The following MSRA variants were observed in gnomAD, a reference collection of about 807,000 sequenced individuals.
MSRA encodes the protein mitochondrial peptide methionine sulfoxide reductase.
A neutral mutation model predicts 31.3 loss-of-function variants in MSRA; 54 were observed. That is an observed-to-expected ratio of 1.73 (90% confidence interval 1.39 to 2.17). The LOEUF (loss-of-function observed/expected upper bound fraction) is 2.17. MSRA is among the 30% of genes most tolerant of loss of function. The pLI, the probability that MSRA is intolerant of heterozygous loss-of-function variation, is 0.00. For synonymous variants in MSRA, 169 were observed against 116.5 expected (o/e 1.45, Z -2.90); for missense variants, 507 against 300.9 (o/e 1.69, Z -5.07).
At chr8:10,250,444 T>C (rs1231450355) in intron 3 of MSRA, 1 of 702,472 alleles carries the variant, frequency 1.4e-6, no homozygotes, top group South Asian at 1.5e-5. Context: ...AATTCCATGT[T>C]TATTAGTCTA....
chr8:10,145,958 T>G (rs1179622746), intron 1 of MSRA, among the ~76,000 whole-genome samples: 1 of 152,196 alleles, frequency 6.6e-6, no homozygotes, highest in Non-Finnish European at 1.5e-5. Flanking sequence ...GAGCGTGTCC[T>G]CCAATTTGAA....
At chr8:10,206,531 G>A (rs769716239) in intron 1 of MSRA, among the ~76,000 whole-genome samples, 15 of 152,150 alleles carry the variant, frequency 9.9e-5, no homozygotes, top group South Asian at 4.1e-4. Context: ...AAGATCTTCC[G>A]TGACCTAGTC....
intron 1 of MSRA, among the ~76,000 whole-genome samples, chr8:10,111,057 A>G (rs896800009): frequency 6.6e-6 from 1 of 152,182 alleles, no homozygotes; most frequent in South Asian, 2.1e-4. Flanking sequence ...AAGTGTCAGA[A>G]CTTCCTGTGT....
intron 3 of MSRA, among the ~76,000 whole-genome samples, chr8:10,267,682 C>T (rs1032576333): frequency 4.6e-5 from 7 of 151,990 alleles, no homozygotes; most frequent in Non-Finnish European, 5.9e-5. Flanking sequence ...TCTGACAGTC[C>T]CCCACACCTG....
intron 1 of MSRA, among the ~76,000 whole-genome samples, chr8:10,055,386 A>G: frequency 1.3e-5 from 2 of 152,362 alleles, no homozygotes; most frequent in Admixed American, 1.3e-4. Flanking sequence ...CTGCTATAAA[A>G]GTTTTCAAAA....
chr8:10,247,605 T>C (rs4841295), intron 3 of MSRA, among the ~76,000 whole-genome samples: 50,968 of 152,078 alleles, frequency 0.34, 9,869 homozygotes, highest in Non-Finnish European at 0.46. Flanking sequence ...TGGTAAAGTA[T>C]GGAAACCACA....
At chr8:10,210,979 G>A (rs964931288) in intron 2 of MSRA, among the ~76,000 whole-genome samples, 2 of 151,326 alleles carry the variant, frequency 1.3e-5, no homozygotes, top group African/African-American at 2.4e-5. Flanking sequence ...CAAGAGATCC[G>A]CCCACTTTAG....
intron 1 of MSRA, among the ~76,000 whole-genome samples, chr8:10,123,579 A>T (rs551805158): frequency 1.9e-4 from 29 of 152,324 alleles, no homozygotes; most frequent in Admixed American, 1.4e-3. Context: ...CATCTTCATT[A>T]TGAAATCTTT....
chr8:10,312,333 C>G (rs1801477289), intron 4 of MSRA, among the ~76,000 whole-genome samples: 1 of 152,130 alleles, frequency 6.6e-6, no homozygotes, highest in Non-Finnish European at 1.5e-5. Context: ...TGGGATATCA[C>G]TACAGATGTG....
chr8:10,428,172 C>G lies in MSRA; in HGVS notation c.568C>G (p.Pro190Ala), dbSNP rs200839462. The G allele has an allele frequency of 1.8e-5, 29 of 1,613,946 alleles. No individual in the cohort carries two copies. The African/African-American group carries it at 2.8e-4, about 16-fold the overall frequency. ...GGTTCTTTCAGAGCACGGCTTCGGCCCCATCACTACCGACATCCGGGAGGG... is the reference window on the plus strand; with the variant it reads ...GGTTCTTTCAGAGCACGGCTTCGGCGCCATCACTACCGACATCCGGGAGGG... ...QKVLSEHGFG[P>A]ITTDIREGQT... The change falls in exon 6 of 6, where the codon CCC becomes GCC. Residue 190 changes from proline to alanine, a missense_variant. Transcript: ENST00000317173.
At chr8:10,074,296 A>G (rs1203411888) in intron 1 of MSRA, among the ~76,000 whole-genome samples, 2 of 151,628 alleles carry the variant, frequency 1.3e-5, no homozygotes, top group East Asian at 1.9e-4. Context: ...GTTAGCCAGG[A>G]TGGTCTTGAT....
intron 2 of MSRA, among the ~76,000 whole-genome samples, chr8:10,230,325 G>T (rs570090695): frequency 6.6e-6 from 1 of 152,210 alleles, no homozygotes; most frequent in African/African-American, 2.4e-5. Flanking sequence ...AGGTTATACC[G>T]GAAATGGCAC....
At chr8:10,072,966 C>G (rs1797817243) in intron 1 of MSRA, among the ~76,000 whole-genome samples, 1 of 152,160 alleles carries the variant, frequency 6.6e-6, no homozygotes. Flanking sequence ...TTCAACCTTG[C>G]TGAACTCACT....
intron 3 of MSRA, chr8:10,250,335 T>G: frequency 2.9e-6 from 2 of 680,616 alleles, no homozygotes; most frequent in Non-Finnish European, 5.3e-6. Flanking sequence ...TTTCAGTGCA[T>G]TAGCCTAATA....
intron 2 of MSRA, among the ~76,000 whole-genome samples, chr8:10,213,794 T>A (rs945601819): frequency 6.6e-6 from 1 of 152,024 alleles, no homozygotes; most frequent in Non-Finnish European, 1.5e-5. Context: ...AACCTGGGAG[T>A]GCAGAGGTCT....
chr8:10,281,583 C>A, intron 3 of MSRA, among the ~76,000 whole-genome samples: 1 of 152,344 alleles, frequency 6.6e-6, no homozygotes, highest in Middle Eastern at 3.4e-3. Flanking sequence ...CAGTACACCG[C>A]ATATAACACA....
chr8:10,199,553 C>T (rs10283047), intron 1 of MSRA, among the ~76,000 whole-genome samples: 70,090 of 151,686 alleles, frequency 0.46, 16,285 homozygotes, highest in South Asian at 0.58. Flanking sequence ...CTCTTGACCT[C>T]GTGATCTGCC....
chr8:10,418,020 G>C (rs1401216764), intron 5 of MSRA, among the ~76,000 whole-genome samples: 1 of 152,122 alleles, frequency 6.6e-6, no homozygotes, highest in African/African-American at 2.4e-5. Flanking sequence ...GCAGCTTCAA[G>C]TTGACCTCTT....
intron 5 of MSRA, among the ~76,000 whole-genome samples, chr8:10,334,853 C>G (rs539979020): frequency 5.3e-5 from 8 of 152,364 alleles, no homozygotes; most frequent in African/African-American, 1.9e-4. Flanking sequence ...AGCGCGCCAC[C>G]CCTCCCCCGC....
Sources: allele counts gnomAD v4.1 joint callset (sites outside exome capture counted in the v4.1 genomes callset), GRCh38; gene constraint gnomAD v4.1.1; transcripts MANE v1.5; gene names NCBI Gene and HGNC (gene_info 2026-07-23, HGNC 2026-07-21).